The following CARMIL1 variants were observed in gnomAD, a reference collection of about 807,000 sequenced individuals.
CARMIL1 encodes F-actin-uncapping protein LRRC16A.
In CARMIL1, 90 loss-of-function variants were observed where a neutral mutation model predicts 177.1. The observed-to-expected ratio is 0.51, with a 90% CI of 0.43 to 0.61. The LOEUF is 0.61. CARMIL1 is among the 20% of genes least tolerant of loss of function. The pLI, the probability that CARMIL1 is intolerant of heterozygous loss-of-function variation, is 0.00. For missense variants in CARMIL1, 1,380 were observed against 1,667.0 expected (o/e 0.83, Z 3.00); for synonymous variants, 577 against 606.2 (o/e 0.95, Z 0.71).
In CARMIL1 at chr6:25,491,952, G is replaced by A; in HGVS notation, c.1148G>A (p.Cys383Tyr). Residue 383 changes from cysteine (C) to tyrosine (Y), a missense_variant, in exon 15 of 37, where the codon TGT becomes TAT. Coordinates refer to ENST00000329474, the MANE Select transcript of CARMIL1 (RefSeq NM_017640.6). Reference protein sequence around the residue: ...SNTECSLDMVCGALLRGCLQY... With the variant: ...SNTECSLDMVYGALLRGCLQY... ...AGTGCCTTATTTCTTTTTCAGGTCT[G>A]TGGAGCTCTTCTCCGTGGATGCCTT... 6.2e-7 allele frequency: 1 copy of A among 1,613,414 alleles called. No homozygotes were observed. Among genetic ancestry groups the A allele is most frequent in the Admixed American group, 1.7e-5 (1 of 59,990 alleles).
intron 2 of CARMIL1, among the ~76,000 whole-genome samples, chr6:25,289,840 AGTT>A (rs1781801102): frequency 6.6e-6 from 1 of 152,206 alleles, no homozygotes; most frequent in South Asian, 2.1e-4. Context: ...TGGACATCTG[AGTT>A]GTTTTCAGTT....
intron 31 of CARMIL1, among the ~76,000 whole-genome samples, chr6:25,583,671 G>A (rs1354096638): frequency 1.3e-5 from 2 of 152,090 alleles, no homozygotes; most frequent in African/African-American, 4.8e-5. Flanking sequence ...GCTTGATACT[G>A]TTTCAAAATA....
chr6:25,568,699 A>G (rs2151212021), intron 29 of CARMIL1, among the ~76,000 whole-genome samples: 1 of 152,300 alleles, frequency 6.6e-6, no homozygotes, highest in East Asian at 1.9e-4. Context: ...TTTTTCTGAA[A>G]AAGATTTCAG....
chr6:25,404,612 C>T (rs971302156), intron 2 of CARMIL1, among the ~76,000 whole-genome samples: 5 of 151,964 alleles, frequency 3.3e-5, no homozygotes, highest in African/African-American at 7.3e-5. Context: ...AAAAATTAGC[C>T]AGGCATGGTG....
intron 2 of CARMIL1, among the ~76,000 whole-genome samples, chr6:25,323,097 T>G (rs2150245711): frequency 6.6e-6 from 1 of 152,280 alleles, no homozygotes; most frequent in South Asian, 2.1e-4. Flanking sequence ...TTTGGAAGGT[T>G]TCTCTCTCAG....
In CARMIL1 at chr6:25,491,737, G is replaced by T; in HGVS notation, c.1071G>T (p.Met357Ile). The T allele has an allele frequency of 1.3e-6, 2 of 1,582,744 alleles. No individual in the cohort carries two copies. The highest frequency in any genetic ancestry group is 1.7e-5 in the Admixed American group (1 of 57,918). ...ATCTTTTATTTTTTTTCAAGCACAT[G>T]TATAATTTTTTGGCCCAGCCAAATG... is the stretch of plus-strand genomic sequence containing the variant. ...NVLRGDDLSHMYNFLAQPNAI... is the reference protein window; with the variant it reads ...NVLRGDDLSHIYNFLAQPNAI... Residue 357 changes from methionine to isoleucine, a missense_variant, in exon 14 of 37, where the codon ATG (methionine) becomes ATT (isoleucine). Physicochemically the swap from Met to Ile is conservative, Grantham distance 10. Coordinates refer to ENST00000329474, the MANE Select transcript of CARMIL1 (RefSeq NM_017640.6).
intron 13 of CARMIL1, among the ~76,000 whole-genome samples, chr6:25,491,428 C>T (rs372923265): frequency 2.6e-5 from 4 of 152,122 alleles, no homozygotes; most frequent in African/African-American, 4.8e-5. Flanking sequence ...TGAATTAGCA[C>T]GGTTCCAAAA....
intron 2 of CARMIL1, among the ~76,000 whole-genome samples, chr6:25,391,850 C>CT (rs1202991269): frequency 6.6e-6 from 1 of 152,146 alleles, no homozygotes; most frequent in African/African-American, 2.4e-5. Flanking sequence ...AGCAGTTATT[C>CT]TTTTATGTCA....
chr6:25,290,352 C>G (rs1398659563), intron 2 of CARMIL1, among the ~76,000 whole-genome samples: 3 of 151,666 alleles, frequency 2.0e-5, no homozygotes, highest in African/African-American at 7.3e-5. Flanking sequence ...GCCTTGGCCT[C>G]CCAAAGTGCT....
chr6:25,308,859 G>A lies in CARMIL1; in HGVS notation c.138+23950G>A, dbSNP rs140218138. Among the ~76,000 whole-genome samples, 37 of 152,246 alleles carry A rather than the reference G, an allele frequency of 2.4e-4. No homozygotes were observed. In the South Asian group the frequency reaches 5.2e-3, roughly 21 times the overall value. ...GTTAACATGGGAGTACCCCAAGGTGGAAGCTTTACATGACTGAGAAAGCCC... is the reference window on the plus strand; with the variant it reads ...GTTAACATGGGAGTACCCCAAGGTGAAAGCTTTACATGACTGAGAAAGCCC... On this transcript the variant is annotated intron_variant, in intron 2 of 36. Coordinates refer to ENST00000329474, the MANE Select transcript of CARMIL1 (RefSeq NM_017640.6).
In CARMIL1 at chr6:25,353,132, C is replaced by G. The variant is rs114008443; in HGVS notation, c.139-66982C>G. On this transcript the variant is annotated intron_variant, in intron 2 of 36. Transcript: ENST00000329474. ...ACAGCTGCTCTCTAGTAAGAATTCT[C>G]TGATTCCTGATAGATGACCCCTCTT... Among the ~76,000 whole-genome samples the G allele has an allele frequency of 6.7e-3, 1,014 of 152,334 alleles. 3 individuals are homozygous for G. The highest frequency in any genetic ancestry group is 0.021 in the African/African-American group (891 of 41,562).
chr6:25,603,568 A>G (rs1485106150), intron 33 of CARMIL1, among the ~76,000 whole-genome samples: 3 of 152,178 alleles, frequency 2.0e-5, no homozygotes, highest in Non-Finnish European at 4.4e-5. Context: ...AACACAGTTT[A>G]AAGTTAGGAA....
At chr6:25,598,897 A>G (rs1815112583) in intron 32 of CARMIL1, among the ~76,000 whole-genome samples, 1 of 152,082 alleles carries the variant, frequency 6.6e-6, no homozygotes, top group Admixed American at 6.5e-5. Context: ...GAGCTTTGGA[A>G]ACTTTGATCT....
At chr6:25,451,616 T>A (rs567582019) in intron 8 of CARMIL1, among the ~76,000 whole-genome samples, 1 of 152,304 alleles carries the variant, frequency 6.6e-6, no homozygotes, top group African/African-American at 2.4e-5. Flanking sequence ...TTTCCCCATG[T>A]CTCTTAGCAC....
intron 15 of CARMIL1, among the ~76,000 whole-genome samples, chr6:25,493,324 C>T (rs963548501): frequency 6.6e-6 from 1 of 152,164 alleles, no homozygotes; most frequent in African/African-American, 2.4e-5. Flanking sequence ...GTAGAAAGCC[C>T]TTAGTAATTT....
At chr6:25,557,588 AT>A (rs1267691071) in intron 29 of CARMIL1, among the ~76,000 whole-genome samples, 1 of 152,178 alleles carries the variant, frequency 6.6e-6, no homozygotes, top group Non-Finnish European at 1.5e-5. Flanking sequence ...GTCTTACAAA[AT>A]GTTTACTTTT....
chr6:25,328,871 G>A (rs914493769), intron 2 of CARMIL1, among the ~76,000 whole-genome samples: 2 of 152,154 alleles, frequency 1.3e-5, no homozygotes, highest in African/African-American at 4.8e-5. Context: ...TGGTGAGCTA[G>A]ACAAAACTTC....
Position 25,425,223 on chromosome 6 carries a change from GTGTT to G in CARMIL1, c.190-1274_190-1271del, listed in dbSNP as rs557681645. Among the ~76,000 whole-genome samples the G allele has an allele frequency of 1.6e-4, 25 of 152,236 alleles. No homozygotes were observed. In the East Asian group the frequency reaches 4.6e-3, roughly 28 times the overall value. On this transcript the variant is annotated intron_variant, in intron 3 of 36. Transcript: ENST00000329474. ...CTGGCACATAGTGGGCTTTTCATAA[GTGTT>G]TGTCAGTTGACCAAGTGAATAATGA...
At chr6:25,500,382 T>C (rs1228237195) in intron 17 of CARMIL1, 147 bp downstream of exon 17, 1 of 691,516 alleles carries the variant, frequency 1.4e-6, no homozygotes, top group East Asian at 2.8e-5. Flanking sequence ...TTCTGTATTT[T>C]GCAAGTTTCA....
Sources: allele counts gnomAD v4.1 joint callset (sites outside exome capture counted in the v4.1 genomes callset), GRCh38; gene constraint gnomAD v4.1.1; transcripts MANE v1.5; gene names NCBI Gene and HGNC (gene_info 2026-07-23, HGNC 2026-07-21).